The following RAPGEF1 variants were observed in gnomAD, a reference collection of about 807,000 sequenced individuals.
RAPGEF1 encodes CRK SH3-binding GNRP.
A neutral mutation model predicts 143.3 loss-of-function variants in RAPGEF1; 33 were observed. The observed-to-expected ratio is 0.23, with a 90% CI of 0.17 to 0.31. The LOEUF (loss-of-function observed/expected upper bound fraction) is 0.31. RAPGEF1 is among the 10% of genes least tolerant of loss of function. RAPGEF1 has a pLI of 1.00. For missense variants in RAPGEF1, 1,199 were observed against 1,645.4 expected, an observed-to-expected ratio of 0.73 and a Z score of 4.69; for synonymous variants, 629 against 676.5, an observed-to-expected ratio of 0.93 and a Z score of 1.09.
At chr9:131,638,959 C>G (rs1354082962) in intron 4 of RAPGEF1, among the ~76,000 whole-genome samples, 168 bp from the exon 5 acceptor site, 2 of 152,106 alleles carry the variant, frequency 1.3e-5, no homozygotes, top group African/African-American at 4.8e-5. Flanking sequence ...TCCATACATC[C>G]AACAAAGATT....
In RAPGEF1 at chr9:131,629,346, G is replaced by C; in HGVS notation, c.741-92C>G. 2.3e-6 allele frequency: 3 copies of C among 1,298,034 alleles called. No individual in the cohort carries two copies. In the South Asian group the frequency reaches 4.1e-5, roughly 18 times the overall value. The allele number at this position is 1,298,034 out of a possible 1,614,324, so 80.4% of individuals were successfully genotyped here. ...GAGAGGGTGAGGACGTGACCAGGAA[G>C]AACACAGTGGGTGAGGTGGGGCTGA... On this transcript the variant is annotated intron_variant, in intron 6 of 26. Coordinates refer to ENST00000683357, the MANE Select transcript of RAPGEF1 (RefSeq NM_001377935.1).
At chr9:131,670,201 A>C (rs1236941047) in intron 1 of RAPGEF1, among the ~76,000 whole-genome samples, 2 of 152,182 alleles carry the variant, frequency 1.3e-5, no homozygotes, top group African/African-American at 4.8e-5. Flanking sequence ...TAAGTACCCT[A>C]AGGATTGTTC....
In RAPGEF1 at chr9:131,628,931, G is replaced by A. The variant is rs1019455844; in HGVS notation, c.893+171C>T. Among the ~76,000 whole-genome samples, 3 of 152,168 alleles carry A rather than the reference G, an allele frequency of 2.0e-5. No homozygotes were observed. The highest frequency in any genetic ancestry group is 7.2e-5 in the African/African-American group (3 of 41,448). ...GGCTGAGGGCACAAGGAGGCCTTCA[G>A]GAGAGCTCAGGGTGGCCAGCGAGGG... On this transcript the variant is annotated intron_variant, in intron 7 of 26. Coordinates refer to ENST00000683357, the MANE Select transcript of RAPGEF1 (RefSeq NM_001377935.1). The surrounding 1 kb of genome is among the most constrained non-coding windows in gnomAD (Gnocchi z 5.7).
rs1419855701 is a variant in RAPGEF1 at position 131,621,267 on chromosome 9, GA to G, written c.1905+528del. ...TCTAGAAGAGGAAGGTGCCATGTCT[GA>G]AACAGAGTGGCTCTGTTTAAAGCCA... On this transcript the variant is annotated intron_variant, in intron 11 of 26. Coordinates refer to ENST00000683357, the MANE Select transcript of RAPGEF1 (RefSeq NM_001377935.1). This position sits in a 1 kb window ranked among gnomAD's most constrained non-coding sequence, Gnocchi z 4.5. Among the ~76,000 whole-genome samples, 2 of 152,202 alleles carry G rather than the reference GA, an allele frequency of 1.3e-5. No homozygotes were observed. The highest frequency in any genetic ancestry group is 4.8e-5 in the African/African-American group (2 of 41,434).
At chr9:131,700,286 C>T (rs141335724) in intron 1 of RAPGEF1, among the ~76,000 whole-genome samples, 12 of 152,264 alleles carry the variant, frequency 7.9e-5, no homozygotes, top group Admixed American at 3.3e-4. Context: ...CTTCCTTTTC[C>T]GGAGCGCGCC....
In RAPGEF1 at chr9:131,587,704, A is replaced by G. The variant is rs768342497; in HGVS notation, c.3233+32T>C. The stretch of plus-strand genomic sequence containing the variant: ...CCCACCCAGACGTGCCACCATCCAG[A>G]GCAACAGGGCTTGGCGCTGGGCCTC... On this transcript the variant is annotated intron_variant, in intron 22 of 26. Transcript: ENST00000683357. The G allele has an allele frequency of 2.5e-6, 4 of 1,598,090 alleles. No homozygotes were observed. The South Asian group carries it at 4.5e-5, about 18-fold the overall frequency.
chr9:131,600,894 G>A (rs1369311756), intron 15 of RAPGEF1, among the ~76,000 whole-genome samples: 3 of 152,142 alleles, frequency 2.0e-5, no homozygotes, highest in African/African-American at 4.8e-5. Flanking sequence ...CATGGCTCAC[G>A]CCTGTAATCC....
chr9:131,617,254 G>C (rs1959148562), intron 12 of RAPGEF1, among the ~76,000 whole-genome samples: 1 of 152,258 alleles, frequency 6.6e-6, no homozygotes, highest in African/African-American at 2.4e-5. Flanking sequence ...AGTTTCGCAA[G>C]ATTTGTGAAA....
chr9:131,681,334 C>A (rs553127558), intron 1 of RAPGEF1, among the ~76,000 whole-genome samples: 1 of 152,136 alleles, frequency 6.6e-6, no homozygotes, highest in Non-Finnish European at 1.5e-5. Flanking sequence ...TCTATTCAGG[C>A]AGGAATTCAG....
Position 131,722,633 on chromosome 9 carries a change from G to A in RAPGEF1, c.61+17137C>T, listed in dbSNP as rs376414052. On this transcript the variant is annotated intron_variant, in intron 1 of 26. Transcript: ENST00000683357. Reference sequence around the variant, plus strand: ...GGGAGCTTGCCAGGGGACAGCAGGGGCCCAGTACAGCTGAAAGGCCCAGGT... The same window carrying A: ...GGGAGCTTGCCAGGGGACAGCAGGGACCCAGTACAGCTGAAAGGCCCAGGT... 2.0e-5 allele frequency among the ~76,000 whole-genome samples: 3 copies of A among 152,242 alleles called. No homozygotes were observed. The East Asian group carries it at 5.8e-4, about 29-fold the overall frequency.
rs1347123844 is a variant in RAPGEF1, at chr9:131,716,966, CCT to C, written c.61+22802_61+22803del. On this transcript the variant is annotated intron_variant, in intron 1 of 26. Coordinates refer to ENST00000683357, the MANE Select transcript of RAPGEF1 (RefSeq NM_001377935.1). ...GCACCTGCCTGCCTGCACTGTAGCT[CCT>C]GTCCCTCCTCTCCAGCGAGTCAAAG... 2.6e-5 allele frequency among the ~76,000 whole-genome samples: 4 copies of C among 152,164 alleles called. No individual in the cohort carries two copies. The East Asian group carries it at 7.7e-4, about 29-fold the overall frequency.
At chr9:131,684,172 C>T (rs1301133829) in intron 1 of RAPGEF1, among the ~76,000 whole-genome samples, 1 of 152,204 alleles carries the variant, frequency 6.6e-6, no homozygotes, top group Non-Finnish European at 1.5e-5. Flanking sequence ...GGAGTTAACC[C>T]TCGAGGACTG....
intron 1 of RAPGEF1, among the ~76,000 whole-genome samples, chr9:131,708,319 A>C (rs17553206): frequency 6.6e-6 from 1 of 152,230 alleles, no homozygotes; most frequent in South Asian, 2.1e-4. Flanking sequence ...GAAGTCTCGC[A>C]TATGTCATCT....
chr9:131,737,717 C>T (rs977195991), intron 1 of RAPGEF1, among the ~76,000 whole-genome samples: 1 of 152,100 alleles, frequency 6.6e-6, no homozygotes, highest in Non-Finnish European at 1.5e-5. Flanking sequence ...GTAATCCCAA[C>T]ACTTTGGGAG....
intron 3 of RAPGEF1, among the ~76,000 whole-genome samples, chr9:131,647,475 C>T (rs1280796222): frequency 6.6e-6 from 1 of 152,186 alleles, no homozygotes; most frequent in African/African-American, 2.4e-5. Context: ...CCATTTCCCT[C>T]GTATCTGAGC....
intron 4 of RAPGEF1, among the ~76,000 whole-genome samples, chr9:131,642,698 T>TCCAGGCTGCTGTGTAACCC (rs1218497608): frequency 6.6e-6 from 1 of 152,166 alleles, no homozygotes; most frequent in African/African-American, 2.4e-5. Flanking sequence ...CTGTGCAGCC[T>TCCAGGCTGCTGTGTAACCC]CCAGGCTGCT....
chr9:131,708,727 C>A (rs202079884), intron 1 of RAPGEF1, among the ~76,000 whole-genome samples: 1 of 24,592 alleles, frequency 4.1e-5, no homozygotes, highest in Non-Finnish European at 7.0e-5. Context: ...TGGGATATTT[C>A]TTTTTCTTTC....
Position 131,604,913 on chromosome 9 carries a change from T to A in RAPGEF1, c.2319+18A>T. 1 of 1,287,422 alleles carries A rather than the reference T, an allele frequency of 7.8e-7. No homozygotes were observed. The highest frequency in any genetic ancestry group is 1.0e-6 in the Non-Finnish European group (1 of 978,362). 79.7% of individuals were successfully genotyped at this position (1,287,422 alleles called of 1,614,324 possible). A position where few individuals can be genotyped will look rare whatever the true frequency, so the allele number is the denominator to read the frequency against. On this transcript the variant is annotated intron_variant, in intron 13 of 26. Coordinates refer to ENST00000683357, the MANE Select transcript of RAPGEF1 (RefSeq NM_001377935.1). ...GTGTGTGTGTGTGTGTGTGTGTGTG[T>A]GCACGCTGAGTTCTCACCGAGTCAG...
intron 1 of RAPGEF1, among the ~76,000 whole-genome samples, chr9:131,725,760 G>GC (rs1554736893): frequency 1.5e-5 from 2 of 132,638 alleles, no homozygotes; most frequent in African/African-American, 5.8e-5. Flanking sequence ...ATTGGGTTGT[G>GC]TTTTTTTTTT....
Sources: gnomAD v4.1 joint callset for allele counts (sites outside exome capture counted in the v4.1 genomes callset) on GRCh38, gnomAD v4.1.1 for gene constraint, Gnocchi (gnomAD v3.1) non-coding constraint, MANE v1.5 for transcripts, NCBI Gene and HGNC (gene_info 2026-07-23, HGNC 2026-07-21) for gene names.